Variants in SLC25A48 observed in about 807,000 individuals in gnomAD.
SLC25A48 encodes CTC-321K16.1.
SLC25A48 carries 29 observed loss-of-function variants against 32.2 expected under a neutral mutation model. The ratio of observed to expected loss-of-function variants is 0.90; its 90% CI spans 0.67 to 1.23. The LOEUF is 1.23. Among genes scored for constraint, SLC25A48 ranks in the 50% most tolerant of loss-of-function variants. SLC25A48 has a pLI of 0.00. For missense variants in SLC25A48, 399 were observed against 422.7 expected (o/e 0.94, Z 0.49); for synonymous variants, 164 against 172.3 (o/e 0.95, Z 0.38).
chr5:135,861,536 A>C (rs1313868315), intron 4 of SLC25A48, among the ~76,000 whole-genome samples: 1 of 152,270 alleles, frequency 6.6e-6, no homozygotes, highest in African/African-American at 2.4e-5. Flanking sequence ...TGTATTATAC[A>C]TGAAGACCTC....
chr5:135,621,926 G>T (rs1339126239), intron 1 of SLC25A48, among the ~76,000 whole-genome samples: 1 of 152,072 alleles, frequency 6.6e-6, no homozygotes, highest in African/African-American at 2.4e-5. Flanking sequence ...AAAGCCAGAA[G>T]ACAATATAAA....
At chr5:135,709,337 C>T (rs925302624) in intron 3 of SLC25A48, among the ~76,000 whole-genome samples, 2 of 152,266 alleles carry the variant, frequency 1.3e-5, no homozygotes, top group African/African-American at 2.4e-5. Context: ...CCTAGACTGA[C>T]TCTCTGGCCA....
intron 3 of SLC25A48, among the ~76,000 whole-genome samples, chr5:135,637,628 A>G (rs1011366541): frequency 1.3e-5 from 2 of 152,164 alleles, no homozygotes; most frequent in African/African-American, 4.8e-5. Context: ...ATCGGGAGAG[A>G]AATGCAAGAG....
At chr5:135,596,746 CTTCATGCCCCACTT>C (rs1252834565) in intron 1 of SLC25A48, among the ~76,000 whole-genome samples, 1 of 152,218 alleles carries the variant, frequency 6.6e-6, no homozygotes, top group East Asian at 1.9e-4. Context: ...GCAAGTGGAG[CTTCATGCCCCACTT>C]TTCATTAGAT....
intron 3 of SLC25A48, among the ~76,000 whole-genome samples, chr5:135,703,090 G>A (rs1283018923): frequency 6.6e-6 from 1 of 152,222 alleles, no homozygotes; most frequent in African/African-American, 2.4e-5. Flanking sequence ...TGTGAGCAGT[G>A]AACAAGATGG....
chr5:135,582,819 C>T (rs1252870744), intron 1 of SLC25A48, among the ~76,000 whole-genome samples: 1 of 152,202 alleles, frequency 6.6e-6, no homozygotes, highest in Non-Finnish European at 1.5e-5. Context: ...AGGCAACCCT[C>T]TTCTCCTCAG....
chr5:135,769,257 A>AT (rs1301840416), intron 3 of SLC25A48, among the ~76,000 whole-genome samples: 119 of 31,526 alleles, frequency 3.8e-3, no homozygotes, highest in South Asian at 9.4e-3. Flanking sequence ...TGTTTGCAAT[A>AT]TTGGGGGGGG....
intron 3 of SLC25A48, among the ~76,000 whole-genome samples, chr5:135,640,854 A>C (rs1457343945): frequency 1.3e-5 from 2 of 152,226 alleles, no homozygotes; most frequent in African/African-American, 2.4e-5. Context: ...TCTCAATTTG[A>C]TAAAAGGCAT....
chr5:135,590,890 G>C (rs960428397), intron 1 of SLC25A48, among the ~76,000 whole-genome samples: 1 of 152,250 alleles, frequency 6.6e-6, no homozygotes, highest in Non-Finnish European at 1.5e-5. Flanking sequence ...CCATCCCAAT[G>C]TTCGGCACAT....
chr5:135,873,817 A>G (rs1761850335), intron 5 of SLC25A48, among the ~76,000 whole-genome samples: 1 of 152,250 alleles, frequency 6.6e-6, no homozygotes, highest in Admixed American at 6.5e-5. Flanking sequence ...GAGAAGCCCA[A>G]GGCTTAGAGA....
At chr5:135,852,339 C>A (rs1395311312) in intron 3 of SLC25A48, among the ~76,000 whole-genome samples, 2 of 152,188 alleles carry the variant, frequency 1.3e-5, no homozygotes, top group Non-Finnish European at 2.9e-5. Context: ...CAGGACACAA[C>A]CCACAGGAAA....
At chr5:135,844,856 G>C (rs535140369) in intron 2 of SLC25A48, among the ~76,000 whole-genome samples, 2 of 152,188 alleles carry the variant, frequency 1.3e-5, no homozygotes, top group Admixed American at 1.3e-4. Context: ...GGCATGCTCA[G>C]TCCCTGACCA....
At chr5:135,755,061 T>A (rs1310325213) in intron 3 of SLC25A48, among the ~76,000 whole-genome samples, 1 of 152,064 alleles carries the variant, frequency 6.6e-6, no homozygotes, top group East Asian at 1.9e-4. Flanking sequence ...ATTAAGGAAA[T>A]ATTGCAGTGA....
In SLC25A48 at chr5:135,817,908, A is replaced by G. The variant is rs1757767428; in HGVS notation, c.-117+4982A>G. Among the ~76,000 whole-genome samples, 4 of 152,168 alleles carry G rather than the reference A, an allele frequency of 2.6e-5. No homozygotes were observed. The South Asian group carries it at 8.3e-4, about 32-fold the overall frequency. ...TATGGCCCATTTTCCCACTTACTAT[A>G]CCAAAAACTCTATACAAAACGCAAA... On this transcript the variant is annotated intron_variant, in intron 4 of 10. Coordinates refer to the SLC25A48 transcript ENST00000646290.
intron 1 of SLC25A48, among the ~76,000 whole-genome samples, chr5:135,839,981 T>C (rs1462281587): frequency 6.6e-6 from 1 of 152,218 alleles, no homozygotes; most frequent in Non-Finnish European, 1.5e-5. Context: ...TTCTTTCCTT[T>C]ATAAATTACC....
rs372658894 is a variant in SLC25A48 at position 135,710,882 on chromosome 5, A to T, written c.-521+75926A>T. 7.1e-4 allele frequency among the ~76,000 whole-genome samples: 108 copies of T among 152,230 alleles called. No individual in the cohort carries two copies. The South Asian group carries it at 0.021, about 29-fold the overall frequency. ...CAAAAGTTTATTTCCTCCTCGAAGT[A>T]TTTTTTTCTGCATAAAGAAATATTA... On this transcript the variant is annotated intron_variant, in intron 3 of 10. Coordinates refer to the SLC25A48 transcript ENST00000646290.
At chr5:135,705,552 C>T (rs1056239270) in intron 3 of SLC25A48, among the ~76,000 whole-genome samples, 8 of 152,224 alleles carry the variant, frequency 5.3e-5, no homozygotes, top group African/African-American at 1.9e-4. Context: ...CAGCAAGTTT[C>T]AATTCAAGCT....
intron 3 of SLC25A48, among the ~76,000 whole-genome samples, chr5:135,665,775 A>AAAG (rs1753509575): frequency 6.6e-6 from 1 of 151,332 alleles, no homozygotes; most frequent in Admixed American, 6.6e-5. Flanking sequence ...GAAAAAAAAA[A>AAAG]ATCAGATTCA....
intron 1 of SLC25A48, among the ~76,000 whole-genome samples, chr5:135,605,635 C>T (rs1751916497): frequency 6.6e-6 from 1 of 152,244 alleles, no homozygotes; most frequent in Non-Finnish European, 1.5e-5. Context: ...CACTGCCTGA[C>T]TTTCTTGCTG....
Sources: gnomAD v4.1 joint callset for allele counts (sites outside exome capture counted in the v4.1 genomes callset) on GRCh38, gnomAD v4.1.1 for gene constraint, MANE v1.5 for transcripts, NCBI Gene and HGNC (gene_info 2026-07-23, HGNC 2026-07-21) for gene names.